Variants in CAPS2 observed in about 807,000 individuals in gnomAD.
The protein encoded by CAPS2 is calcyphosine 2.
In CAPS2, 98 loss-of-function variants were observed where a neutral mutation model predicts 86.5. That is an observed-to-expected ratio of 1.13 (90% CI 0.96 to 1.34). CAPS2 has a LOEUF of 1.34. CAPS2 is among the 40% of genes most tolerant of loss of function. CAPS2 has a pLI of 0.00. For synonymous variants in CAPS2, 210 were observed against 225.1 expected, an observed-to-expected ratio of 0.93 and a Z score of 0.60; for missense variants, 729 against 686.8, an observed-to-expected ratio of 1.06 and a Z score of -0.69.
chr12:75,363,799 G>A (rs897075594), intron 1 of CAPS2, among the ~76,000 whole-genome samples: 4 of 152,120 alleles, frequency 2.6e-5, no homozygotes, highest in African/African-American at 9.7e-5. Flanking sequence ...CTGAGAACAT[G>A]TGTCCAAGGT....
In CAPS2 at chr12:75,321,394, C is replaced by A. The variant is rs750404206; in HGVS notation, c.468+6G>T. On this transcript the variant is annotated splice_donor_region_variant and intron_variant, in intron 5 of 16. Coordinates refer to ENST00000393284, the Ensembl canonical transcript of CAPS2. ...CATTAGAATTTTTTAAAGCCTCATACATTACCTTTTCATCTATCTTGTTTC... is the reference window on the plus strand; with the variant it reads ...CATTAGAATTTTTTAAAGCCTCATAAATTACCTTTTCATCTATCTTGTTTC... 1 of 1,517,266 alleles carries A rather than the reference C, an allele frequency of 6.6e-7. No individual in the cohort carries two copies. Among genetic ancestry groups the A allele is most frequent in the Non-Finnish European group, 8.9e-7 (1 of 1,125,538 alleles). 94.0% of individuals were successfully genotyped at this position (1,517,266 alleles called of 1,614,324 possible).
chr12:75,304,387 A>G (rs1172941791), intron 8 of CAPS2, among the ~76,000 whole-genome samples: 3 of 152,214 alleles, frequency 2.0e-5, no homozygotes, highest in Non-Finnish European at 4.4e-5. Context: ...TACAACGTAA[A>G]ATGCAAAACA....
At chr12:75,329,319 T>C (rs1298601420), upstream of CAPS2, among the ~76,000 whole-genome samples, 1 of 152,206 alleles carries the variant, frequency 6.6e-6, no homozygotes, top group African/African-American at 2.4e-5. Context: ...CTGGGCTATG[T>C]TGGAGATAGG....
upstream of CAPS2, among the ~76,000 whole-genome samples, chr12:75,327,639 C>T (rs1469000892): frequency 6.6e-6 from 1 of 151,624 alleles, no homozygotes; most frequent in Non-Finnish European, 1.5e-5. Flanking sequence ...CATTGTAATC[C>T]TGATTTTTGC....
intron 14 of CAPS2, 102 bp downstream of exon 14, chr12:75,289,519 G>C: frequency 9.5e-7 from 1 of 1,051,876 alleles, no homozygotes; most frequent in Admixed American, 2.5e-5. Context: ...AGGGCATAGA[G>C]AAGGAGAAAA....
intron 11 of CAPS2, among the ~76,000 whole-genome samples, chr12:75,297,086 CTTCTTTCT>C (rs146872393): frequency 2.7e-5 from 4 of 150,598 alleles, no homozygotes; most frequent in East Asian, 3.9e-4. Context: ...TTCTTCTTTC[CTTCTTTCT>C]TTCTTTCTTT....
chr12:75,332,614 T>C (rs2041411198), upstream of CAPS2, among the ~76,000 whole-genome samples: 1 of 152,148 alleles, frequency 6.6e-6, no homozygotes, highest in Admixed American at 6.6e-5. Context: ...TAAAATATAG[T>C]TTCTGCTCTC....
chr12:75,277,139 G>A, downstream of CAPS2: 1 of 981,972 alleles, frequency 1.0e-6, no homozygotes. Flanking sequence ...GAATGCTTAT[G>A]TTAGGAAGAT....
chr12:75,362,864 C>T (rs2043699202), intron 1 of CAPS2, among the ~76,000 whole-genome samples: 1 of 152,160 alleles, frequency 6.6e-6, no homozygotes, highest in African/African-American at 2.4e-5. Context: ...ACTGGGTTCA[C>T]ATCTCATTAT....
intron 7 of CAPS2, among the ~76,000 whole-genome samples, chr12:75,307,652 C>G (rs556920300): frequency 6.6e-6 from 1 of 152,266 alleles, no homozygotes; most frequent in Admixed American, 6.5e-5. Flanking sequence ...GTTAAATTAT[C>G]TCATGTACCC....
intron 14 of CAPS2, 51 bp downstream of exon 14, chr12:75,289,570 C>A (rs1469557260): frequency 6.7e-6 from 10 of 1,484,164 alleles, no homozygotes; most frequent in African/African-American, 4.2e-5. Context: ...TGAATAATGC[C>A]ACCTAAGAAT....
intron 1 of CAPS2, among the ~76,000 whole-genome samples, chr12:75,371,634 C>T (rs1165777040): frequency 6.6e-6 from 1 of 152,050 alleles, no homozygotes; most frequent in Non-Finnish European, 1.5e-5. Context: ...TTTGTACAAC[C>T]GGAAGTGCTC....
chr12:75,347,681 G>C (rs142633493), intron 1 of CAPS2: 104 of 1,606,506 alleles, frequency 6.5e-5, no homozygotes, highest in Non-Finnish European at 8.8e-5. Context: ...CTAACCTTGG[G>C]GGAGCTTCAA....
chr12:75,336,173 C>T (rs2041723696), intron 1 of CAPS2, among the ~76,000 whole-genome samples: 2 of 151,712 alleles, frequency 1.3e-5, no homozygotes, highest in African/African-American at 4.8e-5. Context: ...GTTAAGAATG[C>T]ATATTTTAAT....
chr12:75,298,632 C>G lies in CAPS2; in HGVS notation c.1044+55G>C, dbSNP rs1000511588. 7 of 1,384,068 alleles carry G rather than the reference C, an allele frequency of 5.1e-6. No homozygotes were observed. In the African/African-American group the frequency reaches 8.5e-5, roughly 17 times the overall value. The allele number at this position is 1,384,068 out of a possible 1,614,324, so 85.7% of individuals were successfully genotyped here. A position where few individuals can be genotyped will look rare whatever the true frequency, so the allele number is the denominator to read the frequency against. ...GCCCTACTCCTCCACCTCCATGGGA[C>G]TCCACAAAATCCACCATCTGGTATT... On this transcript the variant is annotated intron_variant, in intron 11 of 16. Coordinates refer to ENST00000393284, the Ensembl canonical transcript of CAPS2.
At chr12:75,380,268 T>C (rs1225704612) in intron 1 of CAPS2, among the ~76,000 whole-genome samples, 7 of 152,216 alleles carry the variant, frequency 4.6e-5, no homozygotes, top group Admixed American at 3.9e-4. Context: ...CATTTTGAGA[T>C]GGTTTGCTTA....
chr12:75,327,158 T>G (rs2040861504), upstream of CAPS2, among the ~76,000 whole-genome samples: 1 of 152,206 alleles, frequency 6.6e-6, no homozygotes, highest in African/African-American at 2.4e-5. Context: ...TTAAATAAAT[T>G]TTTAGAGCAA....
intron 12 of CAPS2, 39 bp from the exon 13 acceptor site, chr12:75,291,859 A>G: frequency 1.9e-6 from 2 of 1,031,790 alleles, no homozygotes; most frequent in Non-Finnish European, 2.9e-6. Context: ...ATATATATAT[A>G]TTCTATTTTA....
intron 1 of CAPS2, chr12:75,366,985 A>G (rs2044012925): frequency 1.4e-6 from 1 of 701,608 alleles, no homozygotes; most frequent in Admixed American, 2.0e-5. Flanking sequence ...TGCAGTAACA[A>G]AATGTCCTTT....
Sources: allele counts gnomAD v4.1 joint callset (sites outside exome capture counted in the v4.1 genomes callset), GRCh38; gene constraint gnomAD v4.1.1; transcripts MANE v1.5; gene names NCBI Gene and HGNC (gene_info 2026-07-23, HGNC 2026-07-21).